The following NR3C1 variants were observed in gnomAD, a reference collection of about 807,000 sequenced individuals.
NR3C1 encodes the protein nuclear receptor subfamily 3 group C member 1, also known as glucocorticoid receptor.
A neutral mutation model predicts 74.0 loss-of-function variants in NR3C1; 14 were observed. The observed-to-expected ratio is 0.19, with a 90% CI of 0.12 to 0.30. The LOEUF is 0.30. NR3C1 is among the 10% of genes least tolerant of loss of function. The pLI is 1.00. For synonymous variants in NR3C1, 308 were observed against 332.5 expected (o/e 0.93, Z 0.80); for missense variants, 695 against 909.8 (o/e 0.76, Z 3.04).
At chr5:143,432,327 A>C in intron 1 of NR3C1, among the ~76,000 whole-genome samples, 1 of 152,222 alleles carries the variant, frequency 6.6e-6, no homozygotes, top group East Asian at 1.9e-4. Context: ...GGCATCTAGC[A>C]TATATTCCAA....
chr5:143,336,577 T>C (rs537953465), intron 2 of NR3C1, among the ~76,000 whole-genome samples: 14 of 152,300 alleles, frequency 9.2e-5, no homozygotes, highest in Admixed American at 5.9e-4. Flanking sequence ...TCAAAGTCTG[T>C]TTAAGAACAT....
rs1840236993 is a variant in NR3C1 at position 143,401,292 on chromosome 5, A to C, written c.-13-440T>G. 6 of 225,508 alleles carry C rather than the reference A, an allele frequency of 2.7e-5. No individual in the cohort carries two copies. The South Asian group carries it at 3.7e-4, about 14-fold the overall frequency. 14.0% of individuals were successfully genotyped at this position (225,508 alleles called of 1,614,324 possible). On this transcript the variant is annotated intron_variant, in intron 1 of 8. Transcript: ENST00000394464. ...ATCACGGCTGTTTGCTTTTCTGAGA[A>C]CCAATACATATAACATTTGATAAAT...
In NR3C1 at chr5:143,282,720, T is replaced by C; in HGVS notation, c.2029A>G (p.Lys677Glu). ...AGCTCTTGGCTCTTCAGACCGTCCTTAGGAACTAAAAGGTTAAGATGAAGT... is the reference window on the plus strand; with the variant it reads ...AGCTCTTGGCTCTTCAGACCGTCCTCAGGAACTAAAAGGTTAAGATGAAGT... The part of the protein sequence containing the change: ...KTLLLLSSVP[K>E]DGLKSQELFD... Residue 677 changes from lysine to glutamate, a missense_variant, in exon 8 of 9, where the codon AAG becomes GAG. Lys to Glu is a moderately conservative substitution (Grantham distance 56). This residue lies in a region of NR3C1 where 133 missense variants were observed against 287.9 expected (regional missense o/e 0.46). Coordinates refer to ENST00000394464, the MANE Select transcript of NR3C1 (RefSeq NM_000176.3). 6.2e-7 allele frequency: 1 copy of C among 1,613,786 alleles called. No homozygotes were observed. The highest frequency in any genetic ancestry group is 8.5e-7 in the Non-Finnish European group (1 of 1,179,858).
At chr5:143,358,630 G>A (rs1250582984) in intron 2 of NR3C1, among the ~76,000 whole-genome samples, 4 of 152,054 alleles carry the variant, frequency 2.6e-5, no homozygotes, top group Non-Finnish European at 4.4e-5. Context: ...GGCCGGGCGC[G>A]GTGGCTCACG....
chr5:143,422,204 G>T (rs1751272684), intron 1 of NR3C1, among the ~76,000 whole-genome samples: 1 of 152,066 alleles, frequency 6.6e-6, no homozygotes, highest in Admixed American at 6.6e-5. Flanking sequence ...ATTTTCATCT[G>T]AGTTGCCCAT....
intron 1 of NR3C1, among the ~76,000 whole-genome samples, chr5:143,419,084 T>C (rs1173914726): frequency 6.6e-6 from 1 of 152,216 alleles, no homozygotes; most frequent in South Asian, 2.1e-4. Context: ...GAAATGCTCA[T>C]TGGAACATTT....
chr5:143,417,862 T>C (rs1255789773), intron 1 of NR3C1, among the ~76,000 whole-genome samples: 1 of 152,216 alleles, frequency 6.6e-6, no homozygotes, highest in Non-Finnish European at 1.5e-5. Context: ...TTTGAGGTCC[T>C]ATAATTCTAT....
rs10042945 is a variant in NR3C1, at chr5:143,356,417, G to A, written c.1185-42249C>T. Among the ~76,000 whole-genome samples, 637 of 152,092 alleles carry A rather than the reference G, an allele frequency of 4.2e-3. 2 individuals are homozygous for A. Among genetic ancestry groups the A allele is most frequent in the African/African-American group, 0.015 (611 of 41,512 alleles). On this transcript the variant is annotated intron_variant, in intron 2 of 8. Coordinates refer to ENST00000394464, the MANE Select transcript of NR3C1 (RefSeq NM_000176.3). ...AAAAAATGAACCCTGATTATCAAGA[G>A]AAAAATGGGTGGGAAGTATCTGTCT...
intron 1 of NR3C1, among the ~76,000 whole-genome samples, chr5:143,427,253 C>T (rs1013999025): frequency 6.6e-5 from 10 of 151,760 alleles, no homozygotes; most frequent in South Asian, 2.1e-4. Flanking sequence ...TTTCAGGAAA[C>T]GATAGCATAG....
At chr5:143,383,860 A>T (rs1321197213) in intron 2 of NR3C1, among the ~76,000 whole-genome samples, 1 of 152,230 alleles carries the variant, frequency 6.6e-6, no homozygotes, top group Non-Finnish European at 1.5e-5. Context: ...CGAAAAAAGT[A>T]ATTTGGAAAT....
intron 2 of NR3C1, among the ~76,000 whole-genome samples, chr5:143,387,906 C>T (rs778512910): frequency 5.3e-5 from 8 of 152,108 alleles, no homozygotes; most frequent in African/African-American, 9.7e-5. Context: ...ATGAGGAAAC[C>T]GATTTCTTGC....
chr5:143,308,374 A>C (rs967153364), intron 4 of NR3C1, among the ~76,000 whole-genome samples: 1 of 152,196 alleles, frequency 6.6e-6, no homozygotes, highest in African/African-American at 2.4e-5. Context: ...CTGGGTGGGA[A>C]GATGGCTTGA....
chr5:143,282,536 C>G, intron 8 of NR3C1, 32 bp downstream of exon 8: 1 of 1,612,790 alleles, frequency 6.2e-7, no homozygotes, highest in Admixed American at 1.7e-5. Flanking sequence ...TCCCAGAAAA[C>G]TCTTATATTT....
rs772890862 is a variant in NR3C1, at chr5:143,400,371, G to T, written c.469C>A (p.Pro157Thr). The change falls in exon 2 of 9, where the codon CCA (proline) becomes ACA (threonine). Residue 157 changes from proline (P) to threonine (T), a missense_variant. Physicochemically the swap from Pro to Thr is conservative, Grantham distance 38. Transcript: ENST00000394464. Reference protein sequence around the residue: ...VSAAPTEKEFPKTHSDVSSEQ... With the variant: ...VSAAPTEKEFTKTHSDVSSEQ... ...GAAGATACATCAGAGTGAGTTTTTGGAAACTCCTTCTCTGTGGGGGCAGCA... is the reference window on the plus strand; with the variant it reads ...GAAGATACATCAGAGTGAGTTTTTGTAAACTCCTTCTCTGTGGGGGCAGCA... 16 of 1,614,102 alleles carry T rather than the reference G, an allele frequency of 9.9e-6. No homozygotes were observed. The highest frequency in any genetic ancestry group is 1.1e-5 in the Non-Finnish European group (13 of 1,180,022).
Position 143,278,412 on chromosome 5 carries a change from T to A in NR3C1, c.*3477A>T, listed in dbSNP as rs563434701. The A allele has an allele frequency of 6.6e-6, 1 of 152,304 alleles. No individual in the cohort carries two copies. Among genetic ancestry groups the A allele is most frequent in the African/African-American group, 2.4e-5 (1 of 41,564 alleles). 9.4% of individuals were successfully genotyped at this position (152,304 alleles called of 1,614,324 possible). ...TACAGCCTTTCATCAGAAAATAAAA[T>A]CCTTTCAGACATTTTCTAGAGAGAA... On this transcript the variant is annotated 3_prime_UTR_variant, in exon 9 of 9. Transcript: ENST00000394464.
chr5:143,287,605 T>A (rs1296764883), intron 7 of NR3C1, among the ~76,000 whole-genome samples: 2 of 152,312 alleles, frequency 1.3e-5, no homozygotes, highest in Non-Finnish European at 2.9e-5. Flanking sequence ...AGATCAATAC[T>A]CTATAAACTC....
chr5:143,281,990 T>G lies in NR3C1; in HGVS notation c.2233A>C (p.Met745Leu). The G allele has an allele frequency of 6.2e-7, 1 of 1,613,720 alleles. No individual in the cohort carries two copies. Among genetic ancestry groups the G allele is most frequent in the Middle Eastern group, 1.7e-4 (1 of 6,056 alleles). ...AACATCTCGGGGAATTCAATACTCA[T>G]GGTCTTATCCAAAAATGTTTGGAAG... ...YCFQTFLDKT[M>L]SIEFPEMLAE... Residue 745 changes from methionine to leucine, a missense_variant, in exon 9 of 9, where the codon ATG becomes CTG. Met to Leu is a conservative substitution (Grantham distance 15, BLOSUM62 2). Transcript: ENST00000394464.
At chr5:143,321,215 T>A (rs183151671) in intron 2 of NR3C1, among the ~76,000 whole-genome samples, 9 of 152,312 alleles carry the variant, frequency 5.9e-5, no homozygotes, top group African/African-American at 2.2e-4. Flanking sequence ...ATCTCGAGCA[T>A]CTTTGAAATG....
At chr5:143,383,824 G>A (rs975671793) in intron 2 of NR3C1, among the ~76,000 whole-genome samples, 2 of 152,164 alleles carry the variant, frequency 1.3e-5, no homozygotes, top group Non-Finnish European at 2.9e-5. Flanking sequence ...ACACTGCCAG[G>A]GGGAACTGTG....
Sources: gnomAD v4.1 joint callset for allele counts (sites outside exome capture counted in the v4.1 genomes callset) on GRCh38, gnomAD v4.1.1 for gene constraint, gnomAD v4.1.1 regional missense constraint, MANE v1.5 for transcripts, NCBI Gene and HGNC (gene_info 2026-07-23, HGNC 2026-07-21) for gene names.